The following PIBF1 variants were observed in gnomAD, a reference collection of about 807,000 sequenced individuals.
PIBF1 encodes progesterone-induced-blocking factor 1.
In PIBF1, 90 loss-of-function variants were observed where a neutral mutation model predicts 112.5. The ratio of observed to expected loss-of-function variants is 0.80; its 90% CI spans 0.67 to 0.95. The LOEUF (loss-of-function observed/expected upper bound fraction) is 0.95, where lower values mean the gene tolerates loss of function less well. PIBF1 is among the 40% of genes least tolerant of loss of function. The pLI, the probability that PIBF1 is intolerant of heterozygous loss-of-function variation, is 0.00. For synonymous variants in PIBF1, 301 were observed against 288.6 expected (o/e 1.04, Z -0.44); for missense variants, 915 against 852.3 (o/e 1.07, Z -0.92).
At chr13:72,928,036 TATATATATAC>T (rs1396304096) in intron 13 of PIBF1, among the ~76,000 whole-genome samples, 1 of 137,820 alleles carries the variant, frequency 7.3e-6, no homozygotes, top group Non-Finnish European at 1.5e-5. Context: ...CATATATATA[TATATATATAC>T]ATATATATAT....
At chr13:72,990,528 CA>C (rs113835188) in intron 16 of PIBF1, among the ~76,000 whole-genome samples, 12,945 of 63,656 alleles carry the variant, frequency 0.2, 1,790 homozygotes, top group African/African-American at 0.46. Flanking sequence ...CTCTCCATCT[CA>C]AAAAAAAAAA....
At chr13:72,956,619 A>C (rs1468077029) in intron 14 of PIBF1, among the ~76,000 whole-genome samples, 2 of 152,126 alleles carry the variant, frequency 1.3e-5, no homozygotes, top group Non-Finnish European at 2.9e-5. Context: ...ATTACAACAC[A>C]ATTCTCCCTG....
intron 10 of PIBF1, among the ~76,000 whole-genome samples, chr13:72,885,608 A>G (rs1038832391): frequency 1.3e-5 from 2 of 152,122 alleles, no homozygotes; most frequent in African/African-American, 4.8e-5. Context: ...CCTGCACTGA[A>G]GTAACTTGTA....
At chr13:72,911,174 G>A (rs981533246) in intron 12 of PIBF1, among the ~76,000 whole-genome samples, 13 of 151,980 alleles carry the variant, frequency 8.6e-5, no homozygotes, top group Non-Finnish European at 1.0e-4. Context: ...GGGCAACATA[G>A]CGTGACCTCC....
chr13:72,810,786 T>C (rs2035968963), intron 5 of PIBF1, among the ~76,000 whole-genome samples: 1 of 152,166 alleles, frequency 6.6e-6, no homozygotes, highest in Admixed American at 6.5e-5. Context: ...TGTATAAGCA[T>C]TGCTTAAAAT....
intron 9 of PIBF1, among the ~76,000 whole-genome samples, chr13:72,840,525 T>A (rs2037561372): frequency 7.8e-6 from 1 of 128,932 alleles, no homozygotes; most frequent in South Asian, 2.3e-4. Flanking sequence ...CCCAATAAAC[T>A]TTTTTTTTTT....
At chr13:72,802,932 A>G (rs1040655344) in intron 5 of PIBF1, among the ~76,000 whole-genome samples, 3 of 152,210 alleles carry the variant, frequency 2.0e-5, no homozygotes, top group South Asian at 2.1e-4. Context: ...TATGTCCAGG[A>G]AATCAAAGGG....
intron 11 of PIBF1, chr13:72,901,129 C>A: frequency 2.4e-6 from 1 of 425,186 alleles, no homozygotes; most frequent in Non-Finnish European, 4.7e-6. Context: ...AAACAGACAA[C>A]CCACAAAGTG....
intron 13 of PIBF1, among the ~76,000 whole-genome samples, chr13:72,930,520 G>A (rs2041665105): frequency 6.6e-6 from 1 of 152,130 alleles, no homozygotes; most frequent in Admixed American, 6.5e-5. Flanking sequence ...TTTCTTAAAA[G>A]TAGAATTGAG....
At chr13:72,919,268 G>A (rs1254897782) in intron 13 of PIBF1, among the ~76,000 whole-genome samples, 2 of 152,158 alleles carry the variant, frequency 1.3e-5, no homozygotes, top group East Asian at 1.9e-4. Context: ...GCACTTTATA[G>A]AAAGCAAGAA....
intron 14 of PIBF1, 65 bp downstream of exon 14, chr13:72,931,332 T>A: frequency 9.7e-7 from 1 of 1,028,100 alleles, no homozygotes; most frequent in South Asian, 1.4e-5. Flanking sequence ...TGTAACTCTT[T>A]TATTTTTCTA....
intron 9 of PIBF1, among the ~76,000 whole-genome samples, chr13:72,843,019 A>G (rs777819722): frequency 6.6e-6 from 1 of 152,194 alleles, no homozygotes; most frequent in Non-Finnish European, 1.5e-5. Flanking sequence ...ATAGGAATTT[A>G]GATATACCTT....
intron 10 of PIBF1, among the ~76,000 whole-genome samples, chr13:72,864,324 G>A (rs922181839): frequency 2.6e-4 from 40 of 152,194 alleles, no homozygotes; most frequent in African/African-American, 9.2e-4. Flanking sequence ...CGTTGAGAGA[G>A]TAGACTGAAT....
At chr13:72,964,592 T>G (rs1437942822) in intron 14 of PIBF1, among the ~76,000 whole-genome samples, 3 of 152,162 alleles carry the variant, frequency 2.0e-5, no homozygotes, top group Non-Finnish European at 4.4e-5. Context: ...AAAAAATTAT[T>G]GAATTATGGT....
At position 72,908,545 on chromosome 13, in the gene PIBF1, A is replaced by G. The variant is rs966823502; in HGVS notation, c.1503A>G (p.Glu501=). 1 of 1,604,118 alleles carries G rather than the reference A, an allele frequency of 6.2e-7. No individual in the cohort carries two copies. The highest frequency in any genetic ancestry group is 8.5e-7 in the Non-Finnish European group (1 of 1,176,360). ...YQKKLEVLTK[E]FYSLQASSEK... ...TTCACTATTAGGTTTTAACCAAAGA[A>G]TTTTATAGTCTCCAAGCCTCTTCTG... Residue 501 remains glutamate (E), a synonymous_variant, in exon 12 of 18, where the codon GAA becomes GAG. Coordinates refer to ENST00000326291, the MANE Select transcript of PIBF1 (RefSeq NM_006346.4).
chr13:72,793,024 A>T (rs1049607833), intron 3 of PIBF1, among the ~76,000 whole-genome samples: 1 of 152,250 alleles, frequency 6.6e-6, no homozygotes, highest in Non-Finnish European at 1.5e-5. Flanking sequence ...ATTCAATAAA[A>T]GGAACTAAAA....
chr13:72,928,044 T>TAC (rs1183170358), intron 13 of PIBF1, among the ~76,000 whole-genome samples: 20 of 130,082 alleles, frequency 1.5e-4, no homozygotes, highest in South Asian at 5.0e-4. Flanking sequence ...TATATATATA[T>TAC]ACATATATAT....
chr13:72,805,037 A>G (rs1374509651), intron 5 of PIBF1, among the ~76,000 whole-genome samples: 1 of 152,130 alleles, frequency 6.6e-6, no homozygotes, highest in African/African-American at 2.4e-5. Context: ...GCAGTGGTAC[A>G]GTCTCGGCTC....
At chr13:73,009,939 G>A (rs1330550456) in intron 17 of PIBF1, among the ~76,000 whole-genome samples, 1 of 152,172 alleles carries the variant, frequency 6.6e-6, no homozygotes, top group African/African-American at 2.4e-5. Context: ...TGAGTATTAA[G>A]ATTCCTTTTT....
Sources: allele counts gnomAD v4.1 joint callset (sites outside exome capture counted in the v4.1 genomes callset), GRCh38; gene constraint gnomAD v4.1.1; transcripts MANE v1.5; gene names NCBI Gene and HGNC (gene_info 2026-07-23, HGNC 2026-07-21).